KIF13A: variants seen among roughly 807,000 people sequenced by gnomAD.
KIF13A encodes kinesin-like protein KIF13A.
A neutral mutation model predicts 212.2 loss-of-function variants in KIF13A; 79 were observed. The observed-to-expected ratio is 0.37, with a 90% CI of 0.31 to 0.45. The LOEUF (loss-of-function observed/expected upper bound fraction) is 0.45. Among genes scored for constraint, KIF13A ranks in the 20% least tolerant of loss-of-function variants. The pLI is 1.00. For missense variants in KIF13A, 1,901 were observed against 2,209.0 expected, an observed-to-expected ratio of 0.86 and a Z score of 2.79; for synonymous variants, 789 against 808.6, an observed-to-expected ratio of 0.98 and a Z score of 0.41.
chr6:17,898,161 T>C lies in KIF13A; in HGVS notation c.159+7A>G, dbSNP rs1772732149. On this transcript the variant is annotated splice_region_variant and intron_variant, in intron 3 of 38. Transcript: ENST00000259711. This position sits in a 1 kb window ranked among gnomAD's most constrained non-coding sequence, Gnocchi z 5.2. ...GTATACATGCCAAATTTCATATTAGTGCTTACCTTGGGAGGTTTCCTTAAT... is the reference window on the plus strand; with the variant it reads ...GTATACATGCCAAATTTCATATTAGCGCTTACCTTGGGAGGTTTCCTTAAT... 1.2e-6 allele frequency: 2 copies of C among 1,612,826 alleles called. No homozygotes were observed. The highest frequency in any genetic ancestry group is 1.7e-6 in the Non-Finnish European group (2 of 1,179,354).
chr6:17,823,761 C>T (rs1343575310), intron 16 of KIF13A, among the ~76,000 whole-genome samples: 7 of 151,978 alleles, frequency 4.6e-5, no homozygotes, highest in African/African-American at 7.2e-5. Context: ...AACCACCATG[C>T]CTGGCTAATT....
rs552625741 is a variant in KIF13A, at chr6:17,865,848, T to C, written c.220+7529A>G. 1.7e-4 allele frequency among the ~76,000 whole-genome samples: 26 copies of C among 152,288 alleles called. 2 individuals carry two copies. The South Asian group carries it at 5.4e-3, about 32-fold the overall frequency. ...CTGTAGCATTCAAAAGCTATCAGTG[T>C]TAGTCTGGAAGTCTGGCTTGCAGCA... On this transcript the variant is annotated intron_variant, in intron 4 of 38. Transcript: ENST00000259711.
rs142145011 is a variant in KIF13A, at chr6:17,939,316, G to T, written c.147-41136C>A. ...GAAATCCAATATTCAGTACAGCAGTGATGATATACTTCATTGTAACACAAC... is the reference window on the plus strand; with the variant it reads ...GAAATCCAATATTCAGTACAGCAGTTATGATATACTTCATTGTAACACAAC... On this transcript the variant is annotated intron_variant, in intron 2 of 38. Coordinates refer to ENST00000259711, the MANE Select transcript of KIF13A (RefSeq NM_022113.6). 2.6e-5 allele frequency among the ~76,000 whole-genome samples: 4 copies of T among 152,332 alleles called. No homozygotes were observed. The East Asian group carries it at 7.7e-4, about 29-fold the overall frequency.
At chr6:17,840,497 G>C (rs1474512458) in intron 9 of KIF13A, among the ~76,000 whole-genome samples, 1 of 152,032 alleles carries the variant, frequency 6.6e-6, no homozygotes, top group Non-Finnish European at 1.5e-5. Flanking sequence ...ATTCACACAA[G>C]CTCTAAAGAG....
intron 2 of KIF13A, among the ~76,000 whole-genome samples, chr6:17,980,388 G>A (rs1780958792): frequency 6.6e-6 from 1 of 152,144 alleles, no homozygotes; most frequent in South Asian, 2.1e-4. Context: ...AAACCAAGAA[G>A]AAGGGAAGGA....
At chr6:17,842,090 C>T (rs2150387315) in intron 9 of KIF13A, among the ~76,000 whole-genome samples, 1 of 151,410 alleles carries the variant, frequency 6.6e-6, no homozygotes, top group Non-Finnish European at 1.5e-5. Context: ...GCTCTGTCGC[C>T]CAGGCTGGAG....
Position 17,837,539 on chromosome 6 carries a change from T to C in KIF13A, c.875A>G (p.Gln292Arg), listed in dbSNP as rs745345224. ...TTTGCTTTTACCCTTGCCAGCTGCC[T>C]GGTCAGCCAGTGATGATATAACCAA... is the stretch of plus-strand genomic sequence containing the variant. Reference protein sequence around the residue: ...LGLVISSLADQAAGKGKSKFV... With the variant: ...LGLVISSLADRAAGKGKSKFV... Residue 292 changes from glutamine to arginine, a missense_variant, in exon 10 of 39, where the codon CAG becomes CGG. Gln to Arg is a conservative substitution (Grantham distance 43). Coordinates refer to ENST00000259711, the MANE Select transcript of KIF13A (RefSeq NM_022113.6). This position sits in a 1 kb window ranked among gnomAD's most constrained non-coding sequence, Gnocchi z 5.4. 1 of 1,609,774 alleles carries C rather than the reference T, an allele frequency of 6.2e-7. No individual in the cohort carries two copies. Among genetic ancestry groups the C allele is most frequent in the Admixed American group, 1.7e-5 (1 of 59,440 alleles).
chr6:17,792,686 A>C (rs1761697192), intron 25 of KIF13A, among the ~76,000 whole-genome samples: 1 of 152,120 alleles, frequency 6.6e-6, no homozygotes, highest in South Asian at 2.1e-4. Flanking sequence ...ACCTACACTC[A>C]TACTCTGAAT....
intron 3 of KIF13A, among the ~76,000 whole-genome samples, chr6:17,891,347 A>G (rs1191496271): frequency 6.6e-6 from 1 of 152,232 alleles, no homozygotes; most frequent in Non-Finnish European, 1.5e-5. Context: ...ACAGAAACTT[A>G]TGTACATTTC....
rs1764948254 is a variant in KIF13A, at chr6:17,826,208, G to A, written c.1533-84C>T. ...GGTAGCCAAAGAGATAACTAGGGGA[G>A]CTTTCTCTTAATAAATGCATTCCAA... On this transcript the variant is annotated intron_variant, in intron 14 of 38. Transcript: ENST00000259711. This position sits in a 1 kb window ranked among gnomAD's most constrained non-coding sequence, Gnocchi z 4.7. The A allele has an allele frequency of 3.1e-6, 3 of 976,648 alleles. 1 individual carries two copies. The highest frequency in any genetic ancestry group is 1.6e-5 in the African/African-American group (1 of 61,362). The allele number at this position is 976,648 out of a possible 1,614,324, so 60.5% of individuals were successfully genotyped here. A position where few individuals can be genotyped will look rare whatever the true frequency, so the allele number is the denominator to read the frequency against.
Position 17,987,045 on chromosome 6 carries a change from C to A in KIF13A, c.146+9G>T, listed in dbSNP as rs1781626741. 6.2e-7 allele frequency: 1 copy of A among 1,610,722 alleles called. No homozygotes were observed. Among genetic ancestry groups the A allele is most frequent in the Non-Finnish European group, 8.5e-7 (1 of 1,177,104 alleles). ...ATCCTCCCAGCCGCCCTCTCGGAACCCGCTTTACCTTTCTCCCTGTTTGGT... is the reference window on the plus strand; with the variant it reads ...ATCCTCCCAGCCGCCCTCTCGGAACACGCTTTACCTTTCTCCCTGTTTGGT... On this transcript the variant is annotated intron_variant, in intron 2 of 38. Transcript: ENST00000259711. This position sits in a 1 kb window ranked among gnomAD's most constrained non-coding sequence, Gnocchi z 7.7.
At position 17,915,115 on chromosome 6, in the gene KIF13A, A is replaced by C. The variant is rs1276835578; in HGVS notation, c.147-16935T>G. Among the ~76,000 whole-genome samples the C allele has an allele frequency of 2.0e-5, 3 of 152,138 alleles. No individual in the cohort carries two copies. The highest frequency in any genetic ancestry group is 4.4e-5 in the Non-Finnish European group (3 of 68,040). Reference sequence around the variant, plus strand: ...GGTAGCATAAGAGATAATATATTTGACTTTTCTACATTAGGGAGTCAGAAC... The same window carrying C: ...GGTAGCATAAGAGATAATATATTTGCCTTTTCTACATTAGGGAGTCAGAAC... On this transcript the variant is annotated intron_variant, in intron 2 of 38. Transcript: ENST00000259711. This position sits in a 1 kb window ranked among gnomAD's most constrained non-coding sequence, Gnocchi z 4.4.
intron 38 of KIF13A, among the ~76,000 whole-genome samples, chr6:17,765,299 T>C (rs1250625142): frequency 6.6e-6 from 1 of 152,250 alleles, no homozygotes; most frequent in African/African-American, 2.4e-5. Flanking sequence ...TTAGTTGTGA[T>C]GTTTTCTCTT....
At chr6:17,974,797 A>T (rs1780142403) in intron 2 of KIF13A, among the ~76,000 whole-genome samples, 1 of 152,232 alleles carries the variant, frequency 6.6e-6, no homozygotes, top group African/African-American at 2.4e-5. Flanking sequence ...CAAAGTCCAC[A>T]TCCATGTTGC....
intron 2 of KIF13A, among the ~76,000 whole-genome samples, chr6:17,969,697 G>C (rs60595306): frequency 0.21 from 31,753 of 151,992 alleles, 3,666 homozygotes; most frequent in African/African-American, 0.31. Context: ...ATTTTTACTT[G>C]CATATCTGGT....
intron 2 of KIF13A, among the ~76,000 whole-genome samples, chr6:17,939,687 G>T (rs1176057130): frequency 1.3e-5 from 2 of 152,136 alleles, no homozygotes; most frequent in Non-Finnish European, 2.9e-5. Context: ...AACCAAGATG[G>T]CAAGGAAAGT....
intron 2 of KIF13A, among the ~76,000 whole-genome samples, chr6:17,972,953 C>T (rs1174632593): frequency 6.6e-6 from 1 of 152,176 alleles, no homozygotes; most frequent in Non-Finnish European, 1.5e-5. Context: ...AGACCAGACC[C>T]TGAAGAGCCC....
Position 17,912,054 on chromosome 6 carries a change from G to C in KIF13A, c.147-13874C>G, listed in dbSNP as rs1057236949. Among the ~76,000 whole-genome samples, 1 of 151,938 alleles carries C rather than the reference G, an allele frequency of 6.6e-6. No homozygotes were observed. The highest frequency in any genetic ancestry group is 1.5e-5 in the Non-Finnish European group (1 of 68,002). On this transcript the variant is annotated intron_variant, in intron 2 of 38. Coordinates refer to ENST00000259711, the MANE Select transcript of KIF13A (RefSeq NM_022113.6). This position sits in a 1 kb window ranked among gnomAD's most constrained non-coding sequence, Gnocchi z 4.2. ...GCTGGGATTACAGGCATGAGGCACC[G>C]GCCATCAATAATAATTTAACTGTAC...
intron 13 of KIF13A, among the ~76,000 whole-genome samples, chr6:17,830,018 G>A (rs1015140008): frequency 2.6e-5 from 4 of 152,202 alleles, no homozygotes; most frequent in East Asian, 1.9e-4. Context: ...TTGAAAGTTC[G>A]TTTCTGTAAC....
Sources: allele counts gnomAD v4.1 joint callset (sites outside exome capture counted in the v4.1 genomes callset), GRCh38; gene constraint gnomAD v4.1.1; non-coding constraint Gnocchi (gnomAD v3.1); transcripts MANE v1.5; gene names NCBI Gene and HGNC (gene_info 2026-07-23, HGNC 2026-07-21).